The following SLC24A2 variants were observed in gnomAD, a reference collection of about 807,000 sequenced individuals.
The protein encoded by SLC24A2 is sodium/potassium/calcium exchanger 2.
In SLC24A2, 36 loss-of-function variants were observed where a neutral mutation model predicts 62.0. The ratio of observed to expected loss-of-function variants is 0.58; its 90% confidence interval spans 0.44 to 0.77. SLC24A2 has a LOEUF of 0.77. SLC24A2 is among the 30% of genes least tolerant of loss of function. SLC24A2 has a pLI of 0.00. For synonymous variants in SLC24A2, 358 were observed against 294.0 expected, an observed-to-expected ratio of 1.22 and a Z score of -2.23; for missense variants, 846 against 817.9, an observed-to-expected ratio of 1.03 and a Z score of -0.42.
At chr9:19,796,723 G>C in the SLC24A2 span, among the ~76,000 whole-genome samples, 4 of 152,130 alleles carry the variant, frequency 2.6e-5, no homozygotes, top group Non-Finnish European at 1.5e-5. Flanking sequence ...TATTTCTGTA[G>C]AGAAGCCTGA....
intron 2 of SLC24A2, among the ~76,000 whole-genome samples, chr9:19,699,242 A>T (rs1420323371): frequency 9.9e-5 from 15 of 152,168 alleles, no homozygotes; most frequent in African/African-American, 3.4e-4. Context: ...TGGCAAAGTA[A>T]ACATGGGAAA....
At chr9:19,928,697 G>A in the SLC24A2 span, 5 of 152,158 alleles carry the variant, frequency 3.3e-5, no homozygotes, top group African/African-American at 1.2e-4. Flanking sequence ...CCTTTTATAA[G>A]GTAGGCATTG....
At position 19,516,001 on chromosome 9, in the gene SLC24A2, G is replaced by T; in HGVS notation, c.*152C>A. 2.1e-6 allele frequency: 2 copies of T among 941,712 alleles called. No individual in the cohort carries two copies. The highest frequency in any genetic ancestry group is 1.7e-6 in the Non-Finnish European group (1 of 578,814). 58.3% of individuals were successfully genotyped at this position (941,712 alleles called of 1,614,324 possible). On this transcript the variant is annotated 3_prime_UTR_variant, in exon 11 of 11. Transcript: ENST00000341998. ...GCAGCCTGTGAAGTGAATGGGCCCA[G>T]TGTGAATCCATCTCTCCTCAAATTC...
intron 2 of SLC24A2, among the ~76,000 whole-genome samples, chr9:19,665,210 G>A (rs1287065476): frequency 6.6e-6 from 1 of 152,170 alleles, no homozygotes; most frequent in Admixed American, 6.5e-5. Flanking sequence ...TGGATAAAGG[G>A]GAATGCATGG....
intron 2 of SLC24A2, among the ~76,000 whole-genome samples, chr9:19,726,583 G>C (rs1230046147): frequency 1.3e-5 from 2 of 152,138 alleles, no homozygotes; most frequent in South Asian, 2.1e-4. Flanking sequence ...ACTGAACAGA[G>C]TATAAAATGT....
At chr9:20,189,537 G>T in the SLC24A2 span, among the ~76,000 whole-genome samples, 1 of 152,170 alleles carries the variant, frequency 6.6e-6, no homozygotes, top group African/African-American at 2.4e-5. Context: ...GGCAATGTCA[G>T]ATCTGTCTAG....
chr9:20,147,383 G>A, the SLC24A2 span, among the ~76,000 whole-genome samples: 1 of 152,126 alleles, frequency 6.6e-6, no homozygotes, highest in African/African-American at 2.4e-5. Context: ...TGTGAATATT[G>A]TATAATACCA....
chr9:20,160,614 C>CA, the SLC24A2 span, among the ~76,000 whole-genome samples: 2 of 150,972 alleles, frequency 1.3e-5, no homozygotes, highest in South Asian at 4.2e-4. Context: ...ATTAATAAAT[C>CA]AAAAAAACCA....
rs773953368 is a variant in SLC24A2, at chr9:19,521,077, G to C, written c.1570-17C>G. The C allele has an allele frequency of 1.6e-5, 25 of 1,612,904 alleles. No homozygotes were observed. The highest frequency in any genetic ancestry group is 4.4e-5 in the South Asian group (4 of 91,012). On this transcript the variant is annotated splice_polypyrimidine_tract_variant and intron_variant, in intron 9 of 10. Coordinates refer to ENST00000341998, the MANE Select transcript of SLC24A2 (RefSeq NM_020344.4). ...CTCTCCAACCTAAATGTCAGGACAG[G>C]AATAAACATCTCAGTGTTTGAAGTT... is the stretch of plus-strand genomic sequence containing the variant.
At chr9:19,721,357 T>C (rs981230077) in intron 2 of SLC24A2, among the ~76,000 whole-genome samples, 5 of 152,202 alleles carry the variant, frequency 3.3e-5, no homozygotes, top group African/African-American at 7.2e-5. Context: ...GCTGACCCTC[T>C]GTTGATACTG....
chr9:19,806,371 G>A, the SLC24A2 span, among the ~76,000 whole-genome samples: 120 of 152,248 alleles, frequency 7.9e-4, no homozygotes, highest in Middle Eastern at 3.4e-3. Flanking sequence ...GCATGCACTT[G>A]GGAAGCACAG....
the SLC24A2 span, among the ~76,000 whole-genome samples, chr9:20,226,692 A>T: frequency 6.6e-6 from 1 of 151,900 alleles, no homozygotes; most frequent in African/African-American, 2.4e-5. Flanking sequence ...ATACACATTC[A>T]TATTCCTGTC....
the SLC24A2 span, among the ~76,000 whole-genome samples, chr9:20,091,137 GA>G: frequency 7.4e-6 from 1 of 134,998 alleles, no homozygotes; most frequent in East Asian, 2.1e-4. Context: ...TGAAATGACA[GA>G]AAAAAAAAGA....
chr9:20,156,305 T>C, the SLC24A2 span, among the ~76,000 whole-genome samples: 1 of 151,806 alleles, frequency 6.6e-6, no homozygotes, highest in African/African-American at 2.4e-5. Context: ...ATCTTGACAC[T>C]ATATTCCTTC....
chr9:20,167,873 C>A, the SLC24A2 span, among the ~76,000 whole-genome samples: 1 of 151,778 alleles, frequency 6.6e-6, no homozygotes, highest in South Asian at 2.1e-4. Flanking sequence ...CCATGAGCCA[C>A]CATGCCCAGC....
the SLC24A2 span, among the ~76,000 whole-genome samples, chr9:19,992,828 G>T: frequency 6.6e-6 from 1 of 152,200 alleles, no homozygotes; most frequent in Non-Finnish European, 1.5e-5. Context: ...ACCCACAAGG[G>T]TGTGAATGTC....
the SLC24A2 span, among the ~76,000 whole-genome samples, chr9:20,282,303 T>C: frequency 3.3e-5 from 5 of 152,164 alleles, no homozygotes; most frequent in African/African-American, 9.7e-5. Flanking sequence ...ATGGTTTGTG[T>C]AAAAGAAATA....
At chr9:20,043,048 G>T in the SLC24A2 span, among the ~76,000 whole-genome samples, 2 of 152,058 alleles carry the variant, frequency 1.3e-5, no homozygotes, top group Non-Finnish European at 2.9e-5. Flanking sequence ...CCCTACAATG[G>T]CCTGTAGGTG....
chr9:20,070,614 G>A, the SLC24A2 span, among the ~76,000 whole-genome samples: 3 of 152,192 alleles, frequency 2.0e-5, no homozygotes, highest in Non-Finnish European at 2.9e-5. Flanking sequence ...AACAGCAGAG[G>A]CAAAGTCTTT....
Sources: gnomAD v4.1 joint callset for allele counts (sites outside exome capture counted in the v4.1 genomes callset) on GRCh38, gnomAD v4.1.1 for gene constraint, MANE v1.5 for transcripts, NCBI Gene and HGNC (gene_info 2026-07-23, HGNC 2026-07-21) for gene names.